The following PPP2R2C variants were observed in gnomAD, a reference collection of about 807,000 sequenced individuals.
PPP2R2C encodes the protein protein phosphatase 2, regulatory subunit B, gamma.
Under a neutral mutation model 45.3 loss-of-function variants are expected in PPP2R2C, and 10 were observed. The observed-to-expected ratio is 0.22, with a 90% confidence interval of 0.14 to 0.37. The LOEUF (loss-of-function observed/expected upper bound fraction) is 0.37, where lower values mean the gene tolerates loss of function less well. Ranked by LOEUF, PPP2R2C falls within the 10% of genes least tolerant of loss-of-function variation. The pLI is 1.00. For synonymous variants in PPP2R2C, 257 were observed against 245.4 expected (o/e 1.05, Z -0.44); for missense variants, 308 against 619.7 (o/e 0.50, Z 5.34).
upstream of PPP2R2C, among the ~76,000 whole-genome samples, chr4:6,473,276 G>A (rs945478670): frequency 6.6e-6 from 1 of 152,280 alleles, no homozygotes; most frequent in South Asian, 2.1e-4. Flanking sequence ...GCTGGAAAAT[G>A]CGTCCCCCTC....
intron 5 of PPP2R2C, chr4:6,349,409 C>T (rs1712321975): frequency 1.7e-5 from 17 of 975,410 alleles, no homozygotes; most frequent in Non-Finnish European, 2.1e-5. Context: ...CTGTGAAGAT[C>T]ATCAGAGGCA....
chr4:6,560,027 G>A (rs1319730651), intron 1 of PPP2R2C, among the ~76,000 whole-genome samples: 1 of 152,362 alleles, frequency 6.6e-6, no homozygotes, highest in Admixed American at 6.5e-5. Context: ...GGGATTCCAC[G>A]TCAAAATTGA....
At chr4:6,438,980 T>C (rs1435957351) in intron 1 of PPP2R2C, among the ~76,000 whole-genome samples, 2 of 152,144 alleles carry the variant, frequency 1.3e-5, no homozygotes, top group Non-Finnish European at 2.9e-5. Context: ...CAGCTTCCAT[T>C]TGGACAAAGG....
intron 8 of PPP2R2C, among the ~76,000 whole-genome samples, chr4:6,327,048 CT>C (rs1272399430): frequency 1.3e-5 from 2 of 152,192 alleles, no homozygotes; most frequent in Non-Finnish European, 2.9e-5. Flanking sequence ...CTTGGGACCC[CT>C]GACCATGGGG....
chr4:6,372,922 A>C (rs1714972787), intron 4 of PPP2R2C, among the ~76,000 whole-genome samples: 1 of 152,236 alleles, frequency 6.6e-6, no homozygotes, highest in Non-Finnish European at 1.5e-5. Flanking sequence ...GTCTGTGAAT[A>C]AGTGGCTGAA....
chr4:6,511,825 G>GGTGGTGT (rs1560594444), intron 2 of PPP2R2C, among the ~76,000 whole-genome samples: 2 of 39,770 alleles, frequency 5.0e-5, no homozygotes, highest in Non-Finnish European at 5.9e-5. Context: ...GGTGATGGTG[G>GGTGGTGT]TGGTGGTGGT....
intron 1 of PPP2R2C, among the ~76,000 whole-genome samples, chr4:6,456,389 T>G (rs1355874580): frequency 1.3e-5 from 2 of 150,592 alleles, no homozygotes; most frequent in African/African-American, 4.9e-5. Flanking sequence ...ATTAAGATCT[T>G]CTCAAAAAGA....
intron 2 of PPP2R2C, among the ~76,000 whole-genome samples, chr4:6,532,997 C>T (rs1001488798): frequency 5.3e-5 from 8 of 152,218 alleles, no homozygotes; most frequent in African/African-American, 7.2e-5. Flanking sequence ...GTGAAGCCCA[C>T]GCTCTGCCCT....
rs1714560278 is a variant in PPP2R2C at position 6,368,795 on chromosome 4, C to T, written c.625+3728G>A. Among the ~76,000 whole-genome samples, 1 of 152,172 alleles carries T rather than the reference C, an allele frequency of 6.6e-6. No homozygotes were observed. Among genetic ancestry groups the T allele is most frequent in the African/African-American group, 2.4e-5 (1 of 41,442 alleles). On this transcript the variant is annotated intron_variant, in intron 5 of 8. Coordinates refer to ENST00000382599, the MANE Select transcript of PPP2R2C (RefSeq NM_020416.4). The surrounding 1 kb of genome is among the most constrained non-coding windows in gnomAD (Gnocchi z 4.2). ...GGTCTCCTTGCTGGTTCCCAAGCCG[C>T]CAGCCTTGTCTGCTGGAATCCAATC... is the stretch of plus-strand genomic sequence containing the variant.
chr4:6,362,452 C>T (rs1047707195), intron 5 of PPP2R2C, among the ~76,000 whole-genome samples: 10 of 152,206 alleles, frequency 6.6e-5, no homozygotes, highest in African/African-American at 1.9e-4. Context: ...GCAGGGCAAA[C>T]GTGAGGACTG....
intron 2 of PPP2R2C, among the ~76,000 whole-genome samples, chr4:6,511,825 G>A (rs894814216): frequency 2.4e-3 from 96 of 39,734 alleles, no homozygotes; most frequent in South Asian, 3.8e-3. Context: ...GGTGATGGTG[G>A]TGGTGGTGGT....
chr4:6,329,951 G>A lies in PPP2R2C; in HGVS notation c.961-598C>T, dbSNP rs1732275173. Among the ~76,000 whole-genome samples the A allele has an allele frequency of 6.6e-6, 1 of 152,202 alleles. No individual in the cohort carries two copies. The highest frequency in any genetic ancestry group is 2.1e-4 in the South Asian group (1 of 4,828). On this transcript the variant is annotated intron_variant, in intron 7 of 8. Transcript: ENST00000382599. The surrounding 1 kb of genome is among the most constrained non-coding windows in gnomAD (Gnocchi z 5.8). ...TAAGTGCAGGGCAGGCCTTTTGAGGGTAATGATCTCCGAGAACACAGGGTG... is the reference window on the plus strand; with the variant it reads ...TAAGTGCAGGGCAGGCCTTTTGAGGATAATGATCTCCGAGAACACAGGGTG...
At chr4:6,340,322 C>T (rs959770294) in intron 6 of PPP2R2C, among the ~76,000 whole-genome samples, 1 of 152,134 alleles carries the variant, frequency 6.6e-6, no homozygotes, top group African/African-American at 2.4e-5. Flanking sequence ...GGCACCCCCG[C>T]CCCCATTCCC....
chr4:6,351,440 A>G (rs1712544311), intron 5 of PPP2R2C: 12 of 801,566 alleles, frequency 1.5e-5, no homozygotes, highest in Non-Finnish European at 1.5e-5. Flanking sequence ...CGGACACTCA[A>G]TCGAGCACCC....
intron 1 of PPP2R2C, among the ~76,000 whole-genome samples, chr4:6,453,232 C>T (rs995667352): frequency 1.3e-5 from 2 of 152,118 alleles, no homozygotes; most frequent in African/African-American, 2.4e-5. Flanking sequence ...GAGGGCCCAC[C>T]GCAGGTCACA....
intron 2 of PPP2R2C, chr4:6,523,450 C>T (rs533168211): frequency 2.4e-4 from 37 of 152,296 alleles, no homozygotes; most frequent in Admixed American, 7.2e-4. Flanking sequence ...TACATTTCAC[C>T]GAATGGTCAG....
rs1577061331 is a variant in PPP2R2C, at chr4:6,321,846, T to C, written c.*1456A>G. The C allele has an allele frequency of 6.6e-6, 1 of 152,294 alleles. No individual in the cohort carries two copies. The highest frequency in any genetic ancestry group is 2.4e-5 in the African/African-American group (1 of 41,546). The allele number at this position is 152,294 out of a possible 1,614,324, so 9.4% of individuals were successfully genotyped here. ...ACACCACCTTCTCTGTGGCCCTCAT[T>C]GTCAGAGGGGCAGAGTTCCCGAGGG... On this transcript the variant is annotated 3_prime_UTR_variant, in exon 9 of 9. Transcript: ENST00000382599.
chr4:6,512,221 TTGGTGGTGGTGATGGTGGGGG>T (rs1723618679), intron 2 of PPP2R2C, among the ~76,000 whole-genome samples: 1 of 13,098 alleles, frequency 7.6e-5, no homozygotes, highest in Non-Finnish European at 1.3e-4. Flanking sequence ...GATGGTGGTG[TTGGTGGTGGTGATGGTGGGGG>T]TGGTGGTGGT....
In PPP2R2C at chr4:6,472,278, T is replaced by C. The variant is rs1355834947; in HGVS notation, c.-49A>G. 6.2e-7 allele frequency: 1 copy of C among 1,609,262 alleles called. No individual in the cohort carries two copies. Among genetic ancestry groups the C allele is most frequent in the Admixed American group, 1.7e-5 (1 of 59,822 alleles). ...GGCATGCCCCGCCGCCACACACCGATGCAATCCGCAGAGGTCGCGCCGGGC... is the reference window on the plus strand; with the variant it reads ...GGCATGCCCCGCCGCCACACACCGACGCAATCCGCAGAGGTCGCGCCGGGC... On this transcript the variant is annotated 5_prime_UTR_variant, in exon 1 of 9. Transcript: ENST00000382599.
Sources: allele counts gnomAD v4.1 joint callset (sites outside exome capture counted in the v4.1 genomes callset), GRCh38; gene constraint gnomAD v4.1.1; non-coding constraint Gnocchi (gnomAD v3.1); transcripts MANE v1.5; gene names NCBI Gene and HGNC (gene_info 2026-07-23, HGNC 2026-07-21).